PRELID2: variants seen among roughly 807,000 people sequenced by gnomAD.
PRELID2 encodes PRELI domain containing 2.
Under a neutral mutation model 28.4 loss-of-function variants are expected in PRELID2, and 25 were observed. That is an observed-to-expected ratio of 0.88 (90% CI 0.64 to 1.23). The LOEUF (loss-of-function observed/expected upper bound fraction) is 1.23. PRELID2 is among the 50% of genes most tolerant of loss of function. PRELID2 has a pLI of 0.00. For missense variants in PRELID2, 201 were observed against 214.4 expected (o/e 0.94, Z 0.39); for synonymous variants, 76 against 71.6 (o/e 1.06, Z -0.31).
chr5:145,611,709 G>A (rs1207209276), intron 1 of PRELID2, among the ~76,000 whole-genome samples: 1 of 152,118 alleles, frequency 6.6e-6, no homozygotes, highest in Non-Finnish European at 1.5e-5. Flanking sequence ...TTTTCCACAA[G>A]TTGATCTATA....
At chr5:145,229,176 G>C in the PRELID2 span, 2 of 917,282 alleles carry the variant, frequency 2.2e-6, no homozygotes, top group South Asian at 1.3e-5. Flanking sequence ...CACAAGAAAG[G>C]GGAACGATCA....
the PRELID2 span, among the ~76,000 whole-genome samples, chr5:145,292,883 AT>A: frequency 1.3e-5 from 2 of 151,574 alleles, no homozygotes; most frequent in African/African-American, 4.8e-5. Flanking sequence ...AATTTTTTTT[AT>A]TTTTTATTAT....
At chr5:145,272,777 T>C in the PRELID2 span, among the ~76,000 whole-genome samples, 1 of 152,198 alleles carries the variant, frequency 6.6e-6, no homozygotes, top group Non-Finnish European at 1.5e-5. Context: ...TCAATTTTTC[T>C]AATAAAATCT....
the PRELID2 span, among the ~76,000 whole-genome samples, chr5:145,233,555 T>C: frequency 6.6e-6 from 1 of 152,164 alleles, no homozygotes; most frequent in African/African-American, 2.4e-5. Context: ...AAATCAAAAC[T>C]AGAAAAGGTA....
In PRELID2 at chr5:145,712,085, G is replaced by C. The variant is rs576212298; in HGVS notation, n.70+52846C>G. On this transcript the variant is annotated intron_variant and non_coding_transcript_variant, in intron 1 of 2. Transcript: ENST00000510259. ...TGAACTAAATCTAACTAAAACAACA[G>C]CAAAGCCCTGATACAATCAGCTAAC... Among the ~76,000 whole-genome samples the C allele has an allele frequency of 2.6e-5, 4 of 152,316 alleles. No individual in the cohort carries two copies. The South Asian group carries it at 8.3e-4, about 32-fold the overall frequency.
chr5:145,668,888 T>G (rs184548210), intron 1 of PRELID2, among the ~76,000 whole-genome samples: 40 of 152,252 alleles, frequency 2.6e-4, no homozygotes, highest in Admixed American at 5.9e-4. Flanking sequence ...TTTGCTTGAC[T>G]AATAGCTTAA....
chr5:145,588,452 C>T (rs80338187), intron 1 of PRELID2, among the ~76,000 whole-genome samples: 10,660 of 152,084 alleles, frequency 0.07, 569 homozygotes, highest in Admixed American at 0.18. Flanking sequence ...TGTCCCAAAT[C>T]GTACTTAAGT....
intron 1 of PRELID2, among the ~76,000 whole-genome samples, chr5:145,508,676 C>G (rs1752434347): frequency 6.6e-6 from 1 of 152,148 alleles, no homozygotes; most frequent in South Asian, 2.1e-4. Flanking sequence ...TCCTGACTCA[C>G]TTGCTCCTAA....
chr5:145,566,397 C>A (rs1561507509), intron 1 of PRELID2, among the ~76,000 whole-genome samples: 1 of 152,184 alleles, frequency 6.6e-6, no homozygotes, highest in Non-Finnish European at 1.5e-5. Context: ...ATGTCTCCAA[C>A]ACCAGCATTT....
chr5:145,337,716 T>C, the PRELID2 span, among the ~76,000 whole-genome samples: 4 of 37,944 alleles, frequency 1.1e-4, no homozygotes, highest in Admixed American at 8.3e-4. Context: ...TATATATATA[T>C]ATATATATAT....
intron 4 of PRELID2, among the ~76,000 whole-genome samples, chr5:145,799,330 G>C (rs1752978139): frequency 6.6e-6 from 1 of 151,814 alleles, no homozygotes; most frequent in Non-Finnish European, 1.5e-5. Flanking sequence ...CAAAAGCTAA[G>C]GCAGCTCATC....
At chr5:145,741,551 T>C (rs1362319432) in intron 1 of PRELID2, among the ~76,000 whole-genome samples, 1 of 106,090 alleles carries the variant, frequency 9.4e-6, no homozygotes, top group Non-Finnish European at 1.6e-5. Context: ...TTATAAATAA[T>C]TTATTTATAT....
intron 1 of PRELID2, among the ~76,000 whole-genome samples, chr5:145,734,123 A>T (rs901494685): frequency 7.9e-5 from 12 of 152,042 alleles, no homozygotes; most frequent in East Asian, 1.9e-4. Flanking sequence ...TGATTTTTTT[A>T]AATATTTTTA....
intron 1 of PRELID2, among the ~76,000 whole-genome samples, chr5:145,718,645 A>G (rs901201625): frequency 1.3e-5 from 2 of 151,976 alleles, no homozygotes; most frequent in Non-Finnish European, 2.9e-5. Context: ...AGATATTAAG[A>G]TATATTTATT....
At chr5:145,749,218 C>T (rs1277502023) in intron 1 of PRELID2, among the ~76,000 whole-genome samples, 1 of 151,944 alleles carries the variant, frequency 6.6e-6, no homozygotes, top group Admixed American at 6.6e-5. Flanking sequence ...TGAAATCTAC[C>T]CATCTGACAA....
the PRELID2 span, among the ~76,000 whole-genome samples, chr5:145,380,916 T>C: frequency 6.6e-6 from 1 of 152,110 alleles, no homozygotes; most frequent in African/African-American, 2.4e-5. Context: ...GGGACACAGG[T>C]TTTATGCATG....
chr5:145,241,775 C>T, the PRELID2 span, among the ~76,000 whole-genome samples: 2 of 151,962 alleles, frequency 1.3e-5, no homozygotes, highest in African/African-American at 4.8e-5. Flanking sequence ...TGTATTTATT[C>T]AGCTTACAGA....
At chr5:145,680,727 A>G (rs1287707864) in intron 1 of PRELID2, among the ~76,000 whole-genome samples, 2 of 152,212 alleles carry the variant, frequency 1.3e-5, no homozygotes, top group Non-Finnish European at 2.9e-5. Flanking sequence ...TTCTTATAAT[A>G]AATTCCCTTT....
chr5:145,265,886 T>C, the PRELID2 span, among the ~76,000 whole-genome samples: 1 of 152,142 alleles, frequency 6.6e-6, no homozygotes, highest in Non-Finnish European at 1.5e-5. Flanking sequence ...AAATCCCTTC[T>C]AGACATTGAT....
Sources: allele counts gnomAD v4.1 joint callset (sites outside exome capture counted in the v4.1 genomes callset), GRCh38; gene constraint gnomAD v4.1.1; transcripts MANE v1.5; gene names NCBI Gene and HGNC (gene_info 2026-07-23, HGNC 2026-07-21).